The following BCAR3 variants were observed in gnomAD, a reference collection of about 807,000 sequenced individuals.
BCAR3 encodes the protein BCAR3 adaptor protein, NSP family member, also known as breast cancer anti-estrogen resistance protein 3.
In BCAR3, 37 loss-of-function variants were observed where a neutral mutation model predicts 80.1. That is an observed-to-expected ratio of 0.46 (90% CI 0.36 to 0.61). The LOEUF (loss-of-function observed/expected upper bound fraction) is 0.61, where lower values mean the gene tolerates loss of function less well. BCAR3 is among the 20% of genes least tolerant of loss of function. BCAR3 has a pLI of 0.00. For synonymous variants in BCAR3, 389 were observed against 418.9 expected, an observed-to-expected ratio of 0.93 and a Z score of 0.87; for missense variants, 978 against 1,068.2, an observed-to-expected ratio of 0.92 and a Z score of 1.18.
At chr1:93,846,599 G>T (rs1228864860) in intron 1 of BCAR3, among the ~76,000 whole-genome samples, 2 of 152,070 alleles carry the variant, frequency 1.3e-5, no homozygotes, top group Non-Finnish European at 2.9e-5. Context: ...GCCCGCTGCC[G>T]TCCCCACCGC....
chr1:93,666,634 C>T (rs910727457), intron 2 of BCAR3, among the ~76,000 whole-genome samples: 2 of 152,208 alleles, frequency 1.3e-5, no homozygotes, highest in East Asian at 3.8e-4. Flanking sequence ...AATAAATACG[C>T]ATCGAAGAAT....
chr1:93,724,042 G>A (rs747691186), intron 2 of BCAR3, among the ~76,000 whole-genome samples: 4 of 152,220 alleles, frequency 2.6e-5, no homozygotes, highest in Non-Finnish European at 5.9e-5. Flanking sequence ...CTCTGTCCAG[G>A]CCAGTAGGAG....
At chr1:93,727,119 T>A (rs1650611740) in intron 2 of BCAR3, among the ~76,000 whole-genome samples, 1 of 152,228 alleles carries the variant, frequency 6.6e-6, no homozygotes, top group African/African-American at 2.4e-5. Context: ...CAGTCTTTCA[T>A]TGTAAGCCTG....
At chr1:93,810,231 T>C (rs1051730264) in intron 2 of BCAR3, among the ~76,000 whole-genome samples, 1 of 151,400 alleles carries the variant, frequency 6.6e-6, no homozygotes, top group Admixed American at 6.6e-5. Flanking sequence ...AGAAGTTATC[T>C]CCAGGTCTTT....
intron 2 of BCAR3, among the ~76,000 whole-genome samples, chr1:93,658,103 G>A (rs1647476799): frequency 6.6e-6 from 1 of 152,010 alleles, no homozygotes; most frequent in South Asian, 2.1e-4. Context: ...ACCACGCCCA[G>A]CTAATTTTTG....
At chr1:93,830,203 C>T (rs746606950) in intron 2 of BCAR3, among the ~76,000 whole-genome samples, 33 of 152,136 alleles carry the variant, frequency 2.2e-4, no homozygotes, top group Non-Finnish European at 4.0e-4. Flanking sequence ...TGGCTCATGC[C>T]TGTAAACCCA....
chr1:93,790,501 G>A (rs534183735), intron 2 of BCAR3, among the ~76,000 whole-genome samples: 1 of 152,010 alleles, frequency 6.6e-6, no homozygotes, highest in Non-Finnish European at 1.5e-5. Context: ...ATTATTATAT[G>A]GGTTATTCTG....
chr1:93,590,778 T>TA (rs1330866651), intron 4 of BCAR3, among the ~76,000 whole-genome samples: 1 of 152,174 alleles, frequency 6.6e-6, no homozygotes, highest in African/African-American at 2.4e-5. Context: ...ACAGCAATCT[T>TA]AAAGGATATT....
intron 2 of BCAR3, among the ~76,000 whole-genome samples, chr1:93,762,837 AT>A (rs1215595925): frequency 6.6e-6 from 1 of 151,904 alleles, no homozygotes; most frequent in East Asian, 1.9e-4. Flanking sequence ...ATCATAGTCA[AT>A]TAATCTCCCA....
In BCAR3 at chr1:93,592,167, T is replaced by C; in HGVS notation, c.486+98A>G. 1 of 1,528,522 alleles carries C rather than the reference T, an allele frequency of 6.5e-7. No individual in the cohort carries two copies. The highest frequency in any genetic ancestry group is 8.8e-7 in the Non-Finnish European group (1 of 1,129,982). The allele number at this position is 1,528,522 out of a possible 1,614,324, so 94.7% of individuals were successfully genotyped here. On this transcript the variant is annotated intron_variant, in intron 4 of 11. Coordinates refer to ENST00000260502, the MANE Select transcript of BCAR3 (RefSeq NM_003567.4). This position sits in a 1 kb window ranked among gnomAD's most constrained non-coding sequence, Gnocchi z 4.8. ...ATTTGTTTTTGGTTACACAGGTGCT[T>C]CCGCCCATGTGGCCTCGGAGTGGGA...
At chr1:93,602,768 C>T (rs1188439466) in intron 3 of BCAR3, among the ~76,000 whole-genome samples, 1 of 152,224 alleles carries the variant, frequency 6.6e-6, no homozygotes, top group Non-Finnish European at 1.5e-5. Context: ...CAATTACTTT[C>T]ATCACTCTAA....
rs748421416 is a variant in BCAR3, at chr1:93,592,342, C to T, written c.409G>A (p.Glu137Lys). ...MDRTPEKLKK[E>K]LEEELLLSSE... ...CTCAGGAGCAGCTCCTCCTCCAGCTCCTTCTTCAGTTTCTCGGGGGTCCTG... is the reference window on the plus strand; with the variant it reads ...CTCAGGAGCAGCTCCTCCTCCAGCTTCTTCTTCAGTTTCTCGGGGGTCCTG... Residue 137 changes from glutamate to lysine, a missense_variant, in exon 4 of 12, where the codon GAG becomes AAG. Physicochemically the swap from Glu to Lys is moderately conservative, Grantham distance 56. Transcript: ENST00000260502. The surrounding 1 kb of genome is among the most constrained non-coding windows in gnomAD (Gnocchi z 4.8). 6.2e-7 allele frequency: 1 copy of T among 1,609,608 alleles called. No homozygotes were observed. Among genetic ancestry groups the T allele is most frequent in the Admixed American group, 1.7e-5 (1 of 59,886 alleles).
At chr1:93,656,467 T>A (rs1647384446) in intron 2 of BCAR3, among the ~76,000 whole-genome samples, 1 of 152,102 alleles carries the variant, frequency 6.6e-6, no homozygotes, top group Admixed American at 6.5e-5. Flanking sequence ...TTGATTATAG[T>A]TTTTTATTTC....
chr1:93,701,519 GA>G (rs1649642046), intron 3 of BCAR3, among the ~76,000 whole-genome samples: 1 of 152,152 alleles, frequency 6.6e-6, no homozygotes, highest in East Asian at 1.9e-4. Context: ...TTATTATTTT[GA>G]AAAAGATGAA....
intron 9 of BCAR3, among the ~76,000 whole-genome samples, chr1:93,568,286 G>A (rs1011500505): frequency 2.3e-4 from 35 of 152,254 alleles, no homozygotes; most frequent in African/African-American, 8.2e-4. Flanking sequence ...TGAAAGCAGG[G>A]TAGAAAGAAA....
At chr1:93,688,402 G>A (rs1649046460) in intron 3 of BCAR3, among the ~76,000 whole-genome samples, 1 of 151,670 alleles carries the variant, frequency 6.6e-6, no homozygotes, top group African/African-American at 2.4e-5. Flanking sequence ...TACATCCTCA[G>A]TCTAATTACT....
intron 3 of BCAR3, among the ~76,000 whole-genome samples, chr1:93,701,172 A>C (rs1226707293): frequency 6.6e-6 from 1 of 152,206 alleles, no homozygotes; most frequent in Non-Finnish European, 1.5e-5. Flanking sequence ...ATGTCAAAGG[A>C]GCATGGAGCA....
intron 2 of BCAR3, among the ~76,000 whole-genome samples, chr1:93,776,115 TAGA>T (rs1261007144): frequency 2.6e-5 from 4 of 152,210 alleles, no homozygotes; most frequent in African/African-American, 9.7e-5. Flanking sequence ...GTATCTAGAA[TAGA>T]AGATCTCAAT....
In BCAR3 at chr1:93,573,639, T is replaced by TATTATTATTA. The variant is rs373537051; in HGVS notation, c.1803-1799_1803-1798insTAATAATAAT. Among the ~76,000 whole-genome samples, 41 of 139,080 alleles carry TATTATTATTA rather than the reference T, an allele frequency of 2.9e-4. 1 individual carries two copies. Among genetic ancestry groups the TATTATTATTA allele is most frequent in the African/African-American group, 1.0e-3 (39 of 37,596 alleles). The allele number at this position is 139,080 out of a possible 152,430, so 91.2% of individuals were successfully genotyped here. ...TATTATTATTATTATTATTATTTTTTTTTTTTTGAGACAGGGTTTTGCTCT... is the reference window on the plus strand; with the variant it reads ...TATTATTATTATTATTATTATTTTTTATTATTATTATTTTTTTGAGACAGGGTTTTGCTCT... On this transcript the variant is annotated intron_variant, in intron 8 of 11. Transcript: ENST00000260502.
Sources: gnomAD v4.1 joint callset for allele counts (sites outside exome capture counted in the v4.1 genomes callset) on GRCh38, gnomAD v4.1.1 for gene constraint, Gnocchi (gnomAD v3.1) non-coding constraint, MANE v1.5 for transcripts, NCBI Gene and HGNC (gene_info 2026-07-23, HGNC 2026-07-21) for gene names.